The following ALMS1 variants were observed in gnomAD, a reference collection of about 807,000 sequenced individuals.
ALMS1 encodes centrosome-associated protein ALMS1.
A neutral mutation model predicts 352.2 loss-of-function variants in ALMS1; 271 were observed. The ratio of observed to expected loss-of-function variants is 0.77; its 90% CI spans 0.70 to 0.85. The LOEUF is 0.85. Among genes scored for constraint, ALMS1 ranks in the 40% least tolerant of loss-of-function variants. The pLI, the probability that ALMS1 is intolerant of heterozygous loss-of-function variation, is 0.00. For synonymous variants in ALMS1, 1,865 were observed against 1,761.2 expected (o/e 1.06, Z -1.48); for missense variants, 5,445 against 4,870.7 (o/e 1.12, Z -3.51).
At chr2:73,603,910 A>G (rs6546849) in intron 21 of ALMS1, 57,986 of 153,316 alleles carry the variant, frequency 0.38, 15,119 homozygotes, top group African/African-American at 0.74. Flanking sequence ...ATATGTATTT[A>G]GACCACATCT....
chr2:73,565,812 G>A (rs567887629), intron 15 of ALMS1, among the ~76,000 whole-genome samples: 1 of 152,242 alleles, frequency 6.6e-6, no homozygotes, highest in Admixed American at 6.5e-5. Context: ...TCAAATGAAG[G>A]ACATTTATAC....
chr2:73,508,582 C>T (rs1481778069), intron 10 of ALMS1, among the ~76,000 whole-genome samples: 2 of 152,070 alleles, frequency 1.3e-5, no homozygotes, highest in Non-Finnish European at 2.9e-5. Context: ...TTTCATTCTT[C>T]TGCATTTTCT....
rs1307785790 is a variant in ALMS1, at chr2:73,424,454, T to TA, written c.790dup (p.Thr264AsnfsTer2). 3 of 1,596,908 alleles carry TA rather than the reference T, an allele frequency of 1.9e-6. No individual in the cohort carries two copies. The highest frequency in any genetic ancestry group is 2.6e-6 in the Non-Finnish European group (3 of 1,174,016). ...GGGGAATTCCTGATAAGTCTGAAGATACTGAATGGTCTTCTCGACCATCGG... is the reference window on the plus strand; with the variant it reads ...GGGGAATTCCTGATAAGTCTGAAGATAACTGAATGGTCTTCTCGACCATCGG... On this transcript the variant is annotated frameshift_variant, in exon 5 of 23. Coordinates refer to ENST00000613296, the MANE Select transcript of ALMS1 (RefSeq NM_001378454.1). LOFTEE classifies it high-confidence loss of function.
At chr2:73,400,182 G>A (rs111845822) in intron 1 of ALMS1, among the ~76,000 whole-genome samples, 9,114 of 152,210 alleles carry the variant, frequency 0.06, 345 homozygotes, top group Middle Eastern at 0.12. Flanking sequence ...CTGAGCTCAA[G>A]TGATCTGCTC....
chr2:73,450,794 A>G lies in ALMS1; in HGVS notation c.4267A>G (p.Thr1423Ala), dbSNP rs746145270. 5 of 1,612,638 alleles carry G rather than the reference A, an allele frequency of 3.1e-6. No individual in the cohort carries two copies. Among genetic ancestry groups the G allele is most frequent in the Non-Finnish European group, 4.2e-6 (5 of 1,179,522 alleles). ...GPGDRKTGIP[T>A]LPSTFYSHTE... ...AGGTGACCGGAAGACTGGGATACCAACTTTACCCTCTACTTTCTACTCACA... is the reference window on the plus strand; with the variant it reads ...AGGTGACCGGAAGACTGGGATACCAGCTTTACCCTCTACTTTCTACTCACA... Residue 1423 changes from threonine (T) to alanine (A), a missense_variant, in exon 8 of 23, where the codon ACT becomes GCT. Physicochemically the swap from Thr to Ala is moderately conservative, Grantham distance 58. Coordinates refer to ENST00000613296, the MANE Select transcript of ALMS1 (RefSeq NM_001378454.1).
chr2:73,573,514 CA>C (rs1471641460), intron 16 of ALMS1, 90 bp downstream of exon 16: 53 of 1,377,710 alleles, frequency 3.8e-5, no homozygotes, highest in Middle Eastern at 1.8e-4. Flanking sequence ...AAAAACAAGC[CA>C]TTTGCCCTTT....
chr2:73,493,250 GA>G (rs2103902605), intron 10 of ALMS1, among the ~76,000 whole-genome samples: 1 of 151,736 alleles, frequency 6.6e-6, no homozygotes, highest in Admixed American at 6.6e-5. Flanking sequence ...GAGACTTAGA[GA>G]AAATATTTTG....
intron 15 of ALMS1, among the ~76,000 whole-genome samples, chr2:73,571,178 G>A (rs199565218): frequency 4.6e-5 from 7 of 152,268 alleles, no homozygotes; most frequent in South Asian, 4.1e-4. Flanking sequence ...GGGGAAGTCC[G>A]TAGGGATTCC....
intron 10 of ALMS1, among the ~76,000 whole-genome samples, chr2:73,502,218 C>A (rs1673233137): frequency 6.6e-6 from 1 of 151,910 alleles, no homozygotes. Context: ...GGCAAAAGTT[C>A]CAGTGGTTGA....
chr2:73,553,265 T>G (rs928899574), intron 13 of ALMS1, among the ~76,000 whole-genome samples: 3 of 152,172 alleles, frequency 2.0e-5, no homozygotes, highest in Non-Finnish European at 4.4e-5. Flanking sequence ...GAGAAAATTA[T>G]TTCACTAAAA....
At chr2:73,456,908 C>T (rs1325974794) in intron 9 of ALMS1, 1 of 152,092 alleles carries the variant, frequency 6.6e-6, no homozygotes, top group East Asian at 1.9e-4. Context: ...TTCATATTTC[C>T]AGATCCCTCA....
intron 2 of ALMS1, 62 bp from the exon 3 acceptor site, chr2:73,419,061 A>G (rs1671234867): frequency 1.5e-6 from 2 of 1,374,008 alleles, no homozygotes; most frequent in Non-Finnish European, 2.1e-6. Flanking sequence ...TTTCATCTAA[A>G]TATTAATATG....
intron 11 of ALMS1, among the ~76,000 whole-genome samples, chr2:73,526,694 A>G (rs1572996026): frequency 6.6e-6 from 1 of 152,154 alleles, no homozygotes; most frequent in Non-Finnish European, 1.5e-5. Context: ...TTTTACAAAT[A>G]TAAGATTGTA....
intron 1 of ALMS1, among the ~76,000 whole-genome samples, chr2:73,406,748 C>T (rs971295963): frequency 2.0e-5 from 3 of 152,196 alleles, no homozygotes; most frequent in Non-Finnish European, 2.9e-5. Flanking sequence ...GTCTTAGTCT[C>T]CCAAGTAGCT....
chr2:73,529,865 G>A (rs948184424), intron 11 of ALMS1, among the ~76,000 whole-genome samples: 2 of 152,154 alleles, frequency 1.3e-5, no homozygotes, highest in African/African-American at 2.4e-5. Context: ...CATGGGGGCA[G>A]GAGAGAGTGA....
At position 73,408,616 on chromosome 2, in the gene ALMS1, T is replaced by C. The variant is rs760582213; in HGVS notation, c.325-6T>C. 2 of 1,612,584 alleles carry C rather than the reference T, an allele frequency of 1.2e-6. No individual in the cohort carries two copies. Among genetic ancestry groups the C allele is most frequent in the Admixed American group, 3.3e-5 (2 of 59,934 alleles). On this transcript the variant is annotated splice_region_variant and splice_polypyrimidine_tract_variant and intron_variant, in intron 1 of 22. Transcript: ENST00000613296. ...TACTCTATTTAAGCCTGCTTTTGATTTTCAGATTGTTCCATTGACCTGTCA... is the reference window on the plus strand; with the variant it reads ...TACTCTATTTAAGCCTGCTTTTGATCTTCAGATTGTTCCATTGACCTGTCA...
intron 10 of ALMS1, among the ~76,000 whole-genome samples, chr2:73,518,367 T>G (rs1205107162): frequency 6.6e-6 from 1 of 152,220 alleles, no homozygotes; most frequent in East Asian, 1.9e-4. Context: ...AGTCTGTCAT[T>G]TATGGGGCAT....
intron 9 of ALMS1, chr2:73,458,017 G>A: frequency 1.0e-5 from 1 of 99,760 alleles, no homozygotes. Flanking sequence ...CTAGGCGACA[G>A]AGGGAGACTT....
At chr2:73,510,634 T>C (rs1373619162) in intron 10 of ALMS1, among the ~76,000 whole-genome samples, 1 of 152,112 alleles carries the variant, frequency 6.6e-6, no homozygotes, top group East Asian at 1.9e-4. Flanking sequence ...GGCTCTCCTG[T>C]GTGAGGTGTC....
Sources: allele counts gnomAD v4.1 joint callset (sites outside exome capture counted in the v4.1 genomes callset), GRCh38; gene constraint gnomAD v4.1.1; transcripts MANE v1.5; gene names NCBI Gene and HGNC (gene_info 2026-07-23, HGNC 2026-07-21).